FMR1: variants seen among roughly 807,000 people sequenced by gnomAD.
FMR1 encodes the protein FMRP translational regulator 1.
In FMR1, 13 loss-of-function variants were observed where a neutral mutation model predicts 50.6. That is an observed-to-expected ratio of 0.26 (90% CI 0.17 to 0.41). The LOEUF (loss-of-function observed/expected upper bound fraction) is 0.41. Among genes scored for constraint, FMR1 ranks in the 10% least tolerant of loss-of-function variants. FMR1 has a pLI of 1.00. For missense variants in FMR1, 316 were observed against 491.3 expected (o/e 0.64, Z 3.37); for synonymous variants, 138 against 164.1 (o/e 0.84, Z 1.22).
At position 147,948,875 on chromosome X, in the gene FMR1, A is replaced by G. The variant is rs782116567; in HGVS notation, c.*31A>G. On this transcript the variant is annotated 3_prime_UTR_variant, in exon 17 of 17. Coordinates refer to ENST00000370475, the MANE Select transcript of FMR1 (RefSeq NM_002024.6). Reference sequence around the variant, plus strand: ...ATAATTCTGAAGTTATATTTCCTATACCATTTCCGTAATTCTTATTCCATA... The same window carrying G: ...ATAATTCTGAAGTTATATTTCCTATGCCATTTCCGTAATTCTTATTCCATA... The G allele has an allele frequency of 8.4e-7, 1 of 1,187,595 alleles. No homozygotes were observed. The highest frequency in any genetic ancestry group is 1.1e-6 in the Non-Finnish European group (1 of 873,551).
At position 147,921,996 on chromosome X, in the gene FMR1, C is replaced by T. The variant is rs782425528; in HGVS notation, c.104+11C>T. 17 of 1,007,516 alleles carry T rather than the reference C, an allele frequency of 1.7e-5. No homozygotes were observed. The highest frequency in any genetic ancestry group is 1.7e-4 in the African/African-American group (9 of 53,369). 83.0% of individuals were successfully genotyped at this position (1,007,516 alleles called of 1,213,427 possible). ...TGCATTTGAAAACAAGTAAGTGTCT[C>T]GTTATATAATTTTAATGATGAGGTT... On this transcript the variant is annotated intron_variant, in intron 2 of 16. Transcript: ENST00000370475.
At chrX:147,947,819 G>A (rs2044230680) in intron 16 of FMR1, among the ~76,000 whole-genome samples, 1 of 112,050 alleles carries the variant, frequency 8.9e-6, no homozygotes, top group Non-Finnish European at 1.9e-5. Flanking sequence ...ACAACCATTT[G>A]GGGATGTTTT....
Position 147,948,912 on chromosome X carries a change from T to C in FMR1, c.*68T>C, listed in dbSNP as rs781983693. Reference sequence around the variant, plus strand: ...ATTCTTATTCCATATTAGAAAACTTTGTTAGGCCAAAGACAAATAGTAGGC... The same window carrying C: ...ATTCTTATTCCATATTAGAAAACTTCGTTAGGCCAAAGACAAATAGTAGGC... On this transcript the variant is annotated 3_prime_UTR_variant, in exon 17 of 17. Transcript: ENST00000370475. 3.3e-4 allele frequency: 358 copies of C among 1,069,330 alleles called. No homozygotes were observed. The highest frequency in any genetic ancestry group is 4.5e-4 in the Non-Finnish European group (346 of 768,805). 88.1% of individuals were successfully genotyped at this position (1,069,330 alleles called of 1,213,427 possible). A position where few individuals can be genotyped will look rare whatever the true frequency, so the allele number is the denominator to read the frequency against.
At chrX:147,933,776 G>T (rs909519479) in intron 9 of FMR1, 6 of 323,276 alleles carry the variant, frequency 1.9e-5, no homozygotes, top group Non-Finnish European at 2.4e-5. Context: ...AAGAAAGCAA[G>T]GACTTCTCAT....
Position 147,950,358 on chromosome X carries a change from C to G in FMR1, c.*1514C>G, listed in dbSNP as rs1356862782. 6.1e-6 allele frequency: 2 copies of G among 327,587 alleles called. No homozygotes were observed. Among genetic ancestry groups the G allele is most frequent in the Non-Finnish European group, 1.2e-5 (2 of 169,429 alleles). 27.0% of individuals were successfully genotyped at this position (327,587 alleles called of 1,213,427 possible). On this transcript the variant is annotated 3_prime_UTR_variant, in exon 17 of 17. Coordinates refer to ENST00000370475, the MANE Select transcript of FMR1 (RefSeq NM_002024.6). ...TAAAAAGTCTTTTAAAAAGTATTGC[C>G]AAACATTAATGTTGATTTCTAGTTA...
At chrX:147,917,488 C>T (rs188371014) in intron 1 of FMR1, among the ~76,000 whole-genome samples, 1 of 111,917 alleles carries the variant, frequency 8.9e-6, no homozygotes, top group East Asian at 2.8e-4. Context: ...TGTACTTTAT[C>T]GCCTTTCTCA....
chrX:147,912,081 A>AGGCGGCGGC lies in FMR1; in HGVS notation c.-77_-69dup, dbSNP rs782036637. The AGGCGGCGGC allele has an allele frequency of 3.6e-3, 1,026 of 283,550 alleles. 4 individuals are homozygous for AGGCGGCGGC. The highest frequency in any genetic ancestry group is 8.3e-3 in the East Asian group (28 of 3,355). The allele number at this position is 283,550 out of a possible 1,213,427, so 23.4% of individuals were successfully genotyped here. A position where few individuals can be genotyped will look rare whatever the true frequency, so the allele number is the denominator to read the frequency against. On this transcript the variant is annotated 5_prime_UTR_variant, in exon 1 of 17. Coordinates refer to ENST00000370475, the MANE Select transcript of FMR1 (RefSeq NM_002024.6). Reference sequence around the variant, plus strand: ...GCGGCGGCGGCGGCGGCGGCGGCGGAGGCGGCGGCGGCGGCGGCGGCGGCG... The same window carrying AGGCGGCGGC: ...GCGGCGGCGGCGGCGGCGGCGGCGGAGGCGGCGGCGGCGGCGGCGGCGGCGGCGGCGGCG...
At chrX:147,925,411 T>A (rs12837614) in intron 2 of FMR1, 129 bp from the exon 3 acceptor site, 1 of 556,157 alleles carries the variant, frequency 1.8e-6, no homozygotes, top group Admixed American at 2.5e-5. Context: ...ACTGATGATT[T>A]TAAAGCTTTT....
rs1192524228 is a variant in FMR1, at chrX:147,932,536, C to T, written c.742C>T (p.Pro248Ser). The change falls in exon 8 of 17, where the codon CCT becomes TCT. Residue 248 changes from proline to serine, a missense_variant. Around this residue, in one of 4 missense-constraint regions of FMR1, gnomAD observed 124 missense variants for 238.1 expected, o/e 0.52. Transcript: ENST00000370475. ...GANIQQARKV[P>S]GVTAIDLDED... ...TAATATTCAGCAAGCTAGAAAAGTA[C>T]CTGGGGTCACTGCTATTGATCTAGA... The T allele has an allele frequency of 2.5e-6, 3 of 1,206,661 alleles. No homozygotes were observed. The African/African-American group carries it at 5.3e-5, about 21-fold the overall frequency.
chrX:147,915,335 G>A (rs2042802297), intron 1 of FMR1, among the ~76,000 whole-genome samples: 1 of 111,679 alleles, frequency 9.0e-6, no homozygotes, highest in Admixed American at 9.4e-5. Flanking sequence ...CTTGCATAAG[G>A]TTTATAAATT....
In FMR1 at chrX:147,932,624, T is replaced by C. The variant is rs1384453233; in HGVS notation, c.801+29T>C. 7 of 1,193,150 alleles carry C rather than the reference T, an allele frequency of 5.9e-6. No homozygotes were observed. In the East Asian group the frequency reaches 8.9e-5, roughly 15 times the overall value. ...AATATTTTACTGCATAGTTTTTTTT[T>C]CCCCAAACAAGTATTTCAGCTGGCT... On this transcript the variant is annotated intron_variant, in intron 8 of 16. Transcript: ENST00000370475.
intron 7 of FMR1, among the ~76,000 whole-genome samples, chrX:147,932,185 A>G (rs29283): frequency 0.026 from 2,870 of 111,724 alleles, 104 homozygotes; most frequent in African/African-American, 0.089. Flanking sequence ...GTTACCTTGG[A>G]AAATGTCAAC....
intron 1 of FMR1, among the ~76,000 whole-genome samples, chrX:147,918,554 G>GTTTTTTTTTTTTTT (rs2042989205): frequency 3.7e-4 from 7 of 18,738 alleles, no homozygotes; most frequent in Admixed American, 1.5e-3. Flanking sequence ...GCCTGCAAAA[G>GTTTTTTTTTTTTTT]CTTTTTTTTT....
intron 3 of FMR1, among the ~76,000 whole-genome samples, chrX:147,926,482 CTTTATTTA>C (rs1290569556): frequency 9.1e-6 from 1 of 110,070 alleles, no homozygotes; most frequent in Non-Finnish European, 1.9e-5. Flanking sequence ...TCCTTCAGTT[CTTTATTTA>C]TTTATTTATT....
intron 2 of FMR1, among the ~76,000 whole-genome samples, chrX:147,923,532 G>C (rs1033372616): frequency 4.5e-5 from 5 of 111,869 alleles, no homozygotes; most frequent in Non-Finnish European, 3.8e-5. Flanking sequence ...AATCTAAAGT[G>C]TTAAGCAAAC....
Position 147,949,197 on chromosome X carries a change from A to G in FMR1, c.*353A>G, listed in dbSNP as rs1946821678. The stretch of plus-strand genomic sequence containing the variant: ...CAGTACATTCTCAGTTTTTCTTAAT[A>G]TATAGCATTTATGGTAATCATATTA... On this transcript the variant is annotated 3_prime_UTR_variant, in exon 17 of 17. Transcript: ENST00000370475. 1 of 349,636 alleles carries G rather than the reference A, an allele frequency of 2.9e-6. No homozygotes were observed. The highest frequency in any genetic ancestry group is 5.4e-6 in the Non-Finnish European group (1 of 184,022). 28.8% of individuals were successfully genotyped at this position (349,636 alleles called of 1,213,427 possible).
chrX:147,940,078 G>A (rs370511120), intron 12 of FMR1: 3 of 92,824 alleles, frequency 3.2e-5, no homozygotes, highest in African/African-American at 1.2e-4. Flanking sequence ...GGAGAATGGC[G>A]TGAACCCGGG....
chrX:147,919,272 G>C (rs782226996), intron 1 of FMR1, among the ~76,000 whole-genome samples: 2 of 110,926 alleles, frequency 1.8e-5, no homozygotes, highest in Middle Eastern at 4.2e-3. Flanking sequence ...GGGAGAAATC[G>C]GGGCCAGGAG....
intron 9 of FMR1, among the ~76,000 whole-genome samples, chrX:147,935,721 A>G (rs782781073): frequency 8.0e-5 from 9 of 112,591 alleles, no homozygotes; most frequent in African/African-American, 2.9e-4. Flanking sequence ...CCTATTTTTT[A>G]CTGGTACTTG....
Sources: allele counts gnomAD v4.1 joint callset (sites outside exome capture counted in the v4.1 genomes callset), GRCh38; gene constraint gnomAD v4.1.1; regional missense constraint gnomAD v4.1.1; transcripts MANE v1.5; gene names NCBI Gene and HGNC (gene_info 2026-07-23, HGNC 2026-07-21).